BCL2: variants seen among roughly 807,000 people sequenced by gnomAD.
The protein encoded by BCL2 is BCL2 apoptosis regulator, also known as apoptosis regulator Bcl-2.
Under a neutral mutation model 14.2 loss-of-function variants are expected in BCL2, and 1 was observed. That is an observed-to-expected ratio of 0.07 (90% confidence interval 0.02 to 0.33). BCL2 has a LOEUF of 0.33. BCL2 is among the 10% of genes least tolerant of loss of function. BCL2 has a pLI of 0.99. For missense variants in BCL2, 247 were observed against 305.9 expected (o/e 0.81, Z 1.44); for synonymous variants, 151 against 137.2 (o/e 1.10, Z -0.70).
At chr18:63,204,519 C>A (rs1909780359) in intron 2 of BCL2, among the ~76,000 whole-genome samples, 1 of 152,166 alleles carries the variant, frequency 6.6e-6, no homozygotes, top group South Asian at 2.1e-4. Flanking sequence ...CCATCTTAGA[C>A]CATCTAGCCC....
At chr18:63,206,476 C>A (rs1909840393) in intron 2 of BCL2, among the ~76,000 whole-genome samples, 2 of 152,210 alleles carry the variant, frequency 1.3e-5, no homozygotes, top group Admixed American at 6.5e-5. Flanking sequence ...TTTCCCAATG[C>A]TTTCATCAGT....
At chr18:63,256,736 G>A (rs552923590) in intron 2 of BCL2, among the ~76,000 whole-genome samples, 58 of 152,248 alleles carry the variant, frequency 3.8e-4, no homozygotes, top group African/African-American at 9.6e-4. Flanking sequence ...AAAATAGGGC[G>A]ATCCAACTCT....
chr18:63,306,273 G>T (rs1457736386), intron 2 of BCL2, among the ~76,000 whole-genome samples: 1 of 152,182 alleles, frequency 6.6e-6, no homozygotes, highest in Non-Finnish European at 1.5e-5. Flanking sequence ...ATTGTGCAAA[G>T]CTAGCAATTT....
chr18:63,262,759 A>G (rs966606666), intron 2 of BCL2, among the ~76,000 whole-genome samples: 1 of 152,220 alleles, frequency 6.6e-6, no homozygotes, highest in African/African-American at 2.4e-5. Context: ...TGGTGTCCTC[A>G]TCATAGGAAA....
At chr18:63,139,607 A>G (rs1413414654) in intron 2 of BCL2, among the ~76,000 whole-genome samples, 1 of 152,166 alleles carries the variant, frequency 6.6e-6, no homozygotes, top group Non-Finnish European at 1.5e-5. Flanking sequence ...GCCAGGAGAG[A>G]ACAGGCCCAT....
chr18:63,225,898 G>A (rs902114551), intron 2 of BCL2, among the ~76,000 whole-genome samples: 2 of 152,180 alleles, frequency 1.3e-5, no homozygotes, highest in African/African-American at 2.4e-5. Flanking sequence ...CGCCTTAAGT[G>A]CTAACAGCTC....
intron 2 of BCL2, among the ~76,000 whole-genome samples, chr18:63,266,669 A>G (rs944777183): frequency 4.6e-5 from 7 of 151,544 alleles, no homozygotes; most frequent in African/African-American, 1.7e-4. Flanking sequence ...AAATATATAT[A>G]TTTATACTAC....
At chr18:63,280,234 C>T (rs1011821561) in intron 2 of BCL2, among the ~76,000 whole-genome samples, 4 of 152,136 alleles carry the variant, frequency 2.6e-5, no homozygotes, top group African/African-American at 7.2e-5. Context: ...CAATCCTACC[C>T]CTGCCACTGA....
intron 2 of BCL2, among the ~76,000 whole-genome samples, chr18:63,247,347 C>T (rs1476076066): frequency 3.3e-5 from 5 of 151,882 alleles, no homozygotes; most frequent in Admixed American, 6.6e-5. Flanking sequence ...TATAGGCGCC[C>T]GCCACCACCC....
intron 2 of BCL2, among the ~76,000 whole-genome samples, chr18:63,284,736 T>G (rs746401598): frequency 2.0e-5 from 3 of 152,222 alleles, no homozygotes; most frequent in Non-Finnish European, 4.4e-5. Flanking sequence ...AGCATCTTAT[T>G]TTTAAATGGC....
chr18:63,242,305 GA>G (rs1289797046), intron 2 of BCL2, among the ~76,000 whole-genome samples: 1 of 152,202 alleles, frequency 6.6e-6, no homozygotes, highest in Non-Finnish European at 1.5e-5. Context: ...ACATGAGGCA[GA>G]TTATCTGACT....
At chr18:63,189,955 T>C (rs111922527) in intron 2 of BCL2, among the ~76,000 whole-genome samples, 2,371 of 152,308 alleles carry the variant, frequency 0.016, 57 homozygotes, top group African/African-American at 0.054. Context: ...AAGTGGTCTA[T>C]TGGGTATTCC....
At position 63,169,265 on chromosome 18, in the gene BCL2, T is replaced by TTCC. The variant is rs1555697315; in HGVS notation, c.586-40507_586-40506insGGA. Among the ~76,000 whole-genome samples, 28 of 53,834 alleles carry TTCC rather than the reference T, an allele frequency of 5.2e-4. 1 individual carries two copies. The highest frequency in any genetic ancestry group is 1.9e-3 in the African/African-American group (14 of 7,400). The allele number at this position is 53,834 out of a possible 152,430, so 35.3% of individuals were successfully genotyped here. A position where few individuals can be genotyped will look rare whatever the true frequency, so the allele number is the denominator to read the frequency against. ...CTTCGTGTTTTTCTTTCTTTCTTTCTTTCTTTCTTTCTTTCTTTCTTTCTT... is the reference window on the plus strand; with the variant it reads ...CTTCGTGTTTTTCTTTCTTTCTTTCTTCCTTCTTTCTTTCTTTCTTTCTTTCTT... On this transcript the variant is annotated intron_variant, in intron 2 of 2. Transcript: ENST00000333681.
intron 2 of BCL2, among the ~76,000 whole-genome samples, chr18:63,236,058 G>GT (rs1336002425): frequency 6.6e-6 from 1 of 152,000 alleles, no homozygotes; most frequent in Non-Finnish European, 1.5e-5. Flanking sequence ...ATGGAGGTGG[G>GT]TTTTTCCCAA....
intron 2 of BCL2, among the ~76,000 whole-genome samples, chr18:63,291,128 C>G (rs1912632920): frequency 6.6e-6 from 1 of 152,192 alleles, no homozygotes; most frequent in East Asian, 1.9e-4. Flanking sequence ...GTACGCCATC[C>G]TTTTCCTGTG....
At chr18:63,176,082 C>T (rs375774840) in intron 2 of BCL2, among the ~76,000 whole-genome samples, 1 of 152,204 alleles carries the variant, frequency 6.6e-6, no homozygotes, top group East Asian at 1.9e-4. Context: ...TTGCCTGCTT[C>T]CCTAGACGAG....
chr18:63,294,544 C>G (rs1331987589), intron 2 of BCL2, among the ~76,000 whole-genome samples: 2 of 152,046 alleles, frequency 1.3e-5, no homozygotes, highest in Non-Finnish European at 2.9e-5. Flanking sequence ...GTGGCACACA[C>G]CTGTAGTTCC....
chr18:63,269,107 C>G (rs759199537), intron 2 of BCL2, among the ~76,000 whole-genome samples: 94 of 151,986 alleles, frequency 6.2e-4, no homozygotes, highest in Non-Finnish European at 1.2e-3. Flanking sequence ...TACACACCAC[C>G]ATGATCGGTA....
At chr18:63,150,794 GA>G (rs1280202646) in intron 2 of BCL2, among the ~76,000 whole-genome samples, 1 of 152,160 alleles carries the variant, frequency 6.6e-6, no homozygotes, top group Non-Finnish European at 1.5e-5. Flanking sequence ...AAAATGTCCA[GA>G]AATATTGGAC....
Sources: gnomAD v4.1 joint callset for allele counts (sites outside exome capture counted in the v4.1 genomes callset) on GRCh38, gnomAD v4.1.1 for gene constraint, MANE v1.5 for transcripts, NCBI Gene and HGNC (gene_info 2026-07-23, HGNC 2026-07-21) for gene names.